TNRC6B: variants seen among roughly 807,000 people sequenced by gnomAD.
TNRC6B encodes the protein trinucleotide repeat-containing gene 6B protein.
In TNRC6B, 52 loss-of-function variants were observed where a neutral mutation model predicts 203.6. The ratio of observed to expected loss-of-function variants is 0.26; its 90% CI spans 0.20 to 0.32. TNRC6B has a LOEUF of 0.32. TNRC6B is among the 10% of genes least tolerant of loss of function. TNRC6B has a pLI of 1.00. For synonymous variants in TNRC6B, 838 were observed against 845.7 expected (o/e 0.99, Z 0.16); for missense variants, 1,923 against 2,286.2 (o/e 0.84, Z 3.24).
intron 1 of TNRC6B, among the ~76,000 whole-genome samples, chr22:40,191,643 G>A (rs1185588023): frequency 2.0e-5 from 3 of 152,172 alleles, no homozygotes; most frequent in Non-Finnish European, 2.9e-5. Context: ...GTGCAATAGT[G>A]TGATCATAGC....
intron 4 of TNRC6B, among the ~76,000 whole-genome samples, chr22:40,170,871 A>G (rs1276522265): frequency 9.9e-5 from 13 of 131,250 alleles, no homozygotes; most frequent in African/African-American, 2.1e-4. Context: ...ACATATATGT[A>G]CATATATGTG....
chr22:40,198,975 G>A (rs1457357295), intron 1 of TNRC6B, among the ~76,000 whole-genome samples: 2 of 151,968 alleles, frequency 1.3e-5, no homozygotes, highest in African/African-American at 2.4e-5. Context: ...TGGAGAAATG[G>A]CTGATTATAG....
intron 1 of TNRC6B, among the ~76,000 whole-genome samples, chr22:40,099,703 G>A (rs1212161709): frequency 1.3e-5 from 2 of 152,132 alleles, no homozygotes; most frequent in Admixed American, 6.5e-5. Context: ...TAAGGAGGGG[G>A]CATTAGGTTA....
At chr22:40,155,285 TTTGTTG>T (rs764735622) in intron 3 of TNRC6B, among the ~76,000 whole-genome samples, 14 of 151,992 alleles carry the variant, frequency 9.2e-5, no homozygotes, top group Admixed American at 5.9e-4. Flanking sequence ...ATGCAAACTT[TTTGTTG>T]TTGTTGTTGT....
rs58537972 is a variant in TNRC6B at position 40,088,584 on chromosome 22, TTGTGTGTG to T, written c.-120-28431_-120-28424del. Among the ~76,000 whole-genome samples the T allele has an allele frequency of 6.0e-3, 757 of 125,226 alleles. 11 individuals carry two copies. Among genetic ancestry groups the T allele is most frequent in the African/African-American group, 0.02 (671 of 32,958 alleles). The allele number at this position is 125,226 out of a possible 152,430, so 82.2% of individuals were successfully genotyped here. On this transcript the variant is annotated intron_variant, in intron 1 of 23. Transcript: ENST00000301923. Reference sequence around the variant, plus strand: ...CTGCCACCATGCCCGGCGGCTACTTTTGTGTGTGTGTGTGTGTGTGTGTGTGTGTGTGT... The same window carrying T: ...CTGCCACCATGCCCGGCGGCTACTTTTGTGTGTGTGTGTGTGTGTGTGTGT...
chr22:40,074,727 C>T (rs1031378815), intron 1 of TNRC6B, among the ~76,000 whole-genome samples: 2 of 151,200 alleles, frequency 1.3e-5, no homozygotes, highest in Admixed American at 6.6e-5. Flanking sequence ...TGCAGTGAGC[C>T]GAGATCACGC....
chr22:40,172,121 C>A (rs1191181450), intron 4 of TNRC6B, among the ~76,000 whole-genome samples: 1 of 152,140 alleles, frequency 6.6e-6, no homozygotes, highest in Non-Finnish European at 1.5e-5. Context: ...CTCAAGAGAT[C>A]CGCCTGCCTT....
At chr22:40,279,911 T>G in intron 9 of TNRC6B, 84 bp from the exon 10 acceptor site, 141 of 1,223,036 alleles carry the variant, frequency 1.2e-4, no homozygotes, top group Middle Eastern at 1.9e-4. Flanking sequence ...AGCACCCCCA[T>G]GAGGATAGTG....
At chr22:40,282,306 A>G (rs937755924) in intron 11 of TNRC6B, among the ~76,000 whole-genome samples, 1 of 152,154 alleles carries the variant, frequency 6.6e-6, no homozygotes, top group African/African-American at 2.4e-5. Flanking sequence ...CTGCCTTAGC[A>G]CATTTTAAAA....
intron 1 of TNRC6B, among the ~76,000 whole-genome samples, chr22:40,196,600 G>A (rs1266269115): frequency 6.6e-6 from 1 of 150,940 alleles, no homozygotes; most frequent in African/African-American, 2.4e-5. Flanking sequence ...AGGCAGGGAT[G>A]AGTTGGTTGC....
intron 7 of TNRC6B, among the ~76,000 whole-genome samples, chr22:40,275,508 G>A (rs998616682): frequency 3.9e-5 from 6 of 152,082 alleles, no homozygotes; most frequent in East Asian, 3.8e-4. Flanking sequence ...ATTTTTAAGT[G>A]TACAGTTCAG....
intron 12 of TNRC6B, among the ~76,000 whole-genome samples, chr22:40,290,830 A>G (rs887558287): frequency 6.6e-6 from 1 of 152,214 alleles, no homozygotes; most frequent in African/African-American, 2.4e-5. Context: ...AGTCATGGGA[A>G]GATGCATATC....
At chr22:40,088,375 A>C (rs1407888633) in intron 1 of TNRC6B, among the ~76,000 whole-genome samples, 1 of 152,058 alleles carries the variant, frequency 6.6e-6, no homozygotes, top group East Asian at 1.9e-4. Context: ...ACATATTTTG[A>C]TCTCAGTATC....
chr22:40,066,491 G>A (rs1199920889), intron 1 of TNRC6B, among the ~76,000 whole-genome samples: 1 of 152,106 alleles, frequency 6.6e-6, no homozygotes, highest in Non-Finnish European at 1.5e-5. Flanking sequence ...GGAGCAACCA[G>A]GAGTATGTTT....
At chr22:40,241,159 G>A (rs2070023379) in intron 1 of TNRC6B, among the ~76,000 whole-genome samples, 1 of 152,124 alleles carries the variant, frequency 6.6e-6, no homozygotes, top group South Asian at 2.1e-4. Flanking sequence ...CGAACTTACA[G>A]AGTTTGAATC....
At chr22:40,073,081 C>T (rs2067966868) in intron 1 of TNRC6B, among the ~76,000 whole-genome samples, 1 of 151,050 alleles carries the variant, frequency 6.6e-6, no homozygotes, top group Non-Finnish European at 1.5e-5. Context: ...CCCTAACAGG[C>T]AGTCACTCCC....
In TNRC6B at chr22:40,112,925, C is replaced by T. The variant is rs1368443276; in HGVS notation, c.-120-4130C>T. Among the ~76,000 whole-genome samples the T allele has an allele frequency of 2.0e-5, 3 of 152,128 alleles. No homozygotes were observed. In the East Asian group the frequency reaches 5.8e-4, roughly 29 times the overall value. On this transcript the variant is annotated intron_variant, in intron 1 of 23. Transcript: ENST00000301923. ...CTTGAGGTCAGGAGTTCAAGACAAG[C>T]CTGGTCAACATGGTGAAACCCCGAC...
At chr22:40,049,907 A>G (rs151165170) in intron 1 of TNRC6B, among the ~76,000 whole-genome samples, 49 of 152,278 alleles carry the variant, frequency 3.2e-4, no homozygotes, top group African/African-American at 1.1e-3. Context: ...CCCGGCTGGC[A>G]TTCTTTGCTA....
chr22:40,062,752 A>G (rs979190140), intron 1 of TNRC6B, among the ~76,000 whole-genome samples: 2 of 152,104 alleles, frequency 1.3e-5, no homozygotes, highest in African/African-American at 4.8e-5. Context: ...GGCTATTTGT[A>G]TATTATTGTT....
Sources: allele counts gnomAD v4.1 joint callset (sites outside exome capture counted in the v4.1 genomes callset), GRCh38; gene constraint gnomAD v4.1.1; transcripts MANE v1.5; gene names NCBI Gene and HGNC (gene_info 2026-07-23, HGNC 2026-07-21).